Variants in DYNC1I1 observed in about 807,000 individuals in gnomAD.
DYNC1I1 encodes the protein dynein cytoplasmic 1 intermediate chain 1, also known as cytoplasmic dynein 1 intermediate chain 1.
Under a neutral mutation model 86.6 loss-of-function variants are expected in DYNC1I1, and 43 were observed. The observed-to-expected ratio is 0.50, with a 90% confidence interval of 0.39 to 0.64. DYNC1I1 has a LOEUF of 0.64. Ranked by LOEUF, DYNC1I1 falls within the 30% of genes least tolerant of loss-of-function variation. The probability of loss-of-function intolerance (pLI) is 0.00; values close to 1 mark genes in which losing one functional copy is unlikely to be tolerated. For missense variants in DYNC1I1, 604 were observed against 788.8 expected, an observed-to-expected ratio of 0.77 and a Z score of 2.81; for synonymous variants, 262 against 283.7, an observed-to-expected ratio of 0.92 and a Z score of 0.77.
At chr7:95,799,564 T>A (rs1433941833) in intron 1 of DYNC1I1, among the ~76,000 whole-genome samples, 2 of 152,066 alleles carry the variant, frequency 1.3e-5, no homozygotes, top group Admixed American at 1.3e-4. Flanking sequence ...GTAATTCTTA[T>A]GTTCAGAAGA....
chr7:95,970,064 T>G (rs1311473554), intron 6 of DYNC1I1, among the ~76,000 whole-genome samples: 1 of 152,170 alleles, frequency 6.6e-6, no homozygotes. Context: ...GTGATACATA[T>G]TGGGAGGGTG....
intron 16 of DYNC1I1, among the ~76,000 whole-genome samples, chr7:96,091,148 T>C (rs901171641): frequency 1.3e-5 from 2 of 152,208 alleles, no homozygotes; most frequent in African/African-American, 4.8e-5. Context: ...GTGCCATTAA[T>C]AATTGTCCTT....
intron 14 of DYNC1I1, among the ~76,000 whole-genome samples, chr7:96,073,583 A>G (rs928075947): frequency 1.3e-5 from 2 of 152,240 alleles, no homozygotes; most frequent in Admixed American, 6.5e-5. Context: ...CGTGTTTAGT[A>G]TAGGTCTGTA....
In DYNC1I1 at chr7:95,804,720, G is replaced by A; in HGVS notation, c.-9-1G>A. On this transcript the variant is annotated splice_acceptor_variant, in intron 1 of 16. Transcript: ENST00000447467. LOFTEE classifies it low-confidence loss of function (5UTR_SPLICE). ...TCACTTTTTTTTTCTCTTTCTCCAA[G>A]GAAACCAACATGTCTGACAAAAGTG... 6 of 1,576,082 alleles carry A rather than the reference G, an allele frequency of 3.8e-6. No individual in the cohort carries two copies. The highest frequency in any genetic ancestry group is 5.1e-6 in the Non-Finnish European group (6 of 1,165,526).
At chr7:95,949,269 G>A (rs1450832689) in intron 6 of DYNC1I1, among the ~76,000 whole-genome samples, 1 of 152,226 alleles carries the variant, frequency 6.6e-6, no homozygotes, top group African/African-American at 2.4e-5. Context: ...TGGAGATCCA[G>A]TTCAGGGTCT....
At chr7:96,061,481 T>G (rs1219583117) in intron 14 of DYNC1I1, among the ~76,000 whole-genome samples, 2 of 152,026 alleles carry the variant, frequency 1.3e-5, no homozygotes, top group African/African-American at 2.4e-5. Context: ...AAGTGAGTTC[T>G]TAAGAACTGG....
intron 5 of DYNC1I1, among the ~76,000 whole-genome samples, chr7:95,840,451 C>G (rs1246206617): frequency 6.6e-6 from 1 of 152,124 alleles, no homozygotes; most frequent in East Asian, 1.9e-4. Context: ...ATCCCTTTGT[C>G]AAGATTCTCA....
chr7:95,904,478 G>T (rs1158535794), intron 6 of DYNC1I1, among the ~76,000 whole-genome samples: 1 of 152,168 alleles, frequency 6.6e-6, no homozygotes, highest in Non-Finnish European at 1.5e-5. Context: ...GAGGAGACTG[G>T]AGACTGGGAG....
At chr7:95,974,304 C>T (rs955387238) in intron 6 of DYNC1I1, among the ~76,000 whole-genome samples, 2 of 152,150 alleles carry the variant, frequency 1.3e-5, no homozygotes, top group Non-Finnish European at 2.9e-5. Context: ...CTGGTGTGTG[C>T]CCAGCACCTG....
intron 5 of DYNC1I1, among the ~76,000 whole-genome samples, chr7:95,853,377 C>A (rs776484450): frequency 8.3e-4 from 126 of 152,258 alleles, no homozygotes; most frequent in Non-Finnish European, 1.5e-3. Flanking sequence ...CCTCTTCTTG[C>A]CCGTCTACCA....
chr7:95,995,296 G>A (rs1217735574), intron 9 of DYNC1I1, among the ~76,000 whole-genome samples: 2 of 127,448 alleles, frequency 1.6e-5, no homozygotes, highest in African/African-American at 3.0e-5. Flanking sequence ...AATGTAGAAT[G>A]GCTGGCCTGG....
intron 10 of DYNC1I1, among the ~76,000 whole-genome samples, chr7:96,023,574 T>C (rs541420938): frequency 2.0e-5 from 3 of 152,282 alleles, no homozygotes; most frequent in South Asian, 4.1e-4. Flanking sequence ...TTGAATGTAG[T>C]GATGGTGTGC....
intron 16 of DYNC1I1, among the ~76,000 whole-genome samples, chr7:96,104,004 C>A (rs1267998114): frequency 6.6e-6 from 1 of 152,126 alleles, no homozygotes; most frequent in Non-Finnish European, 1.5e-5. Context: ...GAAATGGTAT[C>A]TAGCTGTGGT....
chr7:96,040,662 G>T (rs1167255478), intron 14 of DYNC1I1, among the ~76,000 whole-genome samples: 1 of 151,884 alleles, frequency 6.6e-6, no homozygotes, highest in African/African-American at 2.4e-5. Context: ...AGAAGAGAGA[G>T]CCCTCCAAAC....
chr7:96,067,890 AAG>A (rs536835955), intron 14 of DYNC1I1, among the ~76,000 whole-genome samples: 2 of 151,960 alleles, frequency 1.3e-5, no homozygotes, highest in South Asian at 2.1e-4. Flanking sequence ...CACACTTAGA[AAG>A]AGAGAGAGAG....
At chr7:95,848,673 A>G (rs1789498619) in intron 5 of DYNC1I1, among the ~76,000 whole-genome samples, 1 of 152,062 alleles carries the variant, frequency 6.6e-6, no homozygotes, top group South Asian at 2.1e-4. Context: ...ATTGTGAATG[A>G]TACTGCAGTG....
At chr7:95,829,559 CAG>C (rs889137101) in intron 5 of DYNC1I1, among the ~76,000 whole-genome samples, 1 of 152,222 alleles carries the variant, frequency 6.6e-6, no homozygotes, top group Admixed American at 6.5e-5. Flanking sequence ...AAAGAACTGG[CAG>C]AGACTACCCC....
intron 6 of DYNC1I1, among the ~76,000 whole-genome samples, chr7:95,931,854 C>A (rs1791908154): frequency 6.6e-6 from 1 of 152,184 alleles, no homozygotes. Flanking sequence ...TAATATACAG[C>A]TAAATGTTAT....
intron 9 of DYNC1I1, among the ~76,000 whole-genome samples, chr7:95,994,101 A>G (rs1793799207): frequency 6.6e-6 from 1 of 152,204 alleles, no homozygotes; most frequent in Admixed American, 6.5e-5. Flanking sequence ...TTTACTGGTT[A>G]TGTTTCTGGC....
Sources: allele counts gnomAD v4.1 joint callset (sites outside exome capture counted in the v4.1 genomes callset), GRCh38; gene constraint gnomAD v4.1.1; transcripts MANE v1.5; gene names NCBI Gene and HGNC (gene_info 2026-07-23, HGNC 2026-07-21).